Variants in WNT2B observed in about 807,000 individuals in gnomAD.
The protein encoded by WNT2B is Wnt family member 2B.
WNT2B carries 19 observed loss-of-function variants against 40.5 expected under a neutral mutation model. The observed-to-expected ratio is 0.47, with a 90% confidence interval of 0.33 to 0.69. The LOEUF is 0.69. Ranked by LOEUF, WNT2B falls within the 30% of genes least tolerant of loss-of-function variation. The pLI is 0.02. For synonymous variants in WNT2B, 220 were observed against 211.9 expected (o/e 1.04, Z -0.33); for missense variants, 467 against 556.4 (o/e 0.84, Z 1.62).
At chr1:112,518,530 T>C (rs1652690363) in intron 4 of WNT2B, 1 of 152,186 alleles carries the variant, frequency 6.6e-6, no homozygotes, top group Non-Finnish European at 1.5e-5. Context: ...AGAAAAAAAC[T>C]TGGAGCCCTT....
intron 1 of WNT2B, among the ~76,000 whole-genome samples, chr1:112,498,997 A>G (rs1368328175): frequency 6.6e-6 from 1 of 152,038 alleles, no homozygotes; most frequent in Non-Finnish European, 1.5e-5. Context: ...CACGAGGTGA[A>G]GAGTTTGAGA....
chr1:112,515,010 T>G lies in WNT2B; in HGVS notation c.319T>G (p.Cys107Gly). 1 of 1,613,830 alleles carries G rather than the reference T, an allele frequency of 6.2e-7. No homozygotes were observed. ...GGGTGCCCGAGAATGGATCCGAGAG[T>G]GTCAGCACCAATTCCGCCACCACCG... ...GEGAREWIRE[C>G]QHQFRHHRWN... Residue 107 changes from cysteine (C) to glycine (G), a missense_variant, in exon 2 of 5, where the codon TGT (cysteine) becomes GGT (glycine). Coordinates refer to ENST00000369684, the MANE Select transcript of WNT2B (RefSeq NM_024494.3). The surrounding 1 kb of genome is among the most constrained non-coding windows in gnomAD (Gnocchi z 4.4).
intron 1 of WNT2B, among the ~76,000 whole-genome samples, chr1:112,511,454 C>T (rs1335986278): frequency 1.3e-5 from 2 of 152,162 alleles, no homozygotes; most frequent in East Asian, 3.8e-4. Context: ...CAGGCTAAGC[C>T]CCCAAGCCTT....
chr1:112,514,587 T>A (rs1652461627), intron 1 of WNT2B, among the ~76,000 whole-genome samples: 1 of 152,260 alleles, frequency 6.6e-6, no homozygotes, highest in Non-Finnish European at 1.5e-5. Flanking sequence ...TCTGTGTATG[T>A]GACACATGCC....
intron 1 of WNT2B, among the ~76,000 whole-genome samples, chr1:112,485,155 T>C (rs1356074298): frequency 6.6e-6 from 1 of 152,226 alleles, no homozygotes; most frequent in Non-Finnish European, 1.5e-5. Context: ...TTCAAAGCTT[T>C]TTATAAAGTT....
intron 1 of WNT2B, among the ~76,000 whole-genome samples, chr1:112,468,984 T>C (rs1650790100): frequency 6.6e-6 from 1 of 152,228 alleles, no homozygotes; most frequent in Non-Finnish European, 1.5e-5. Flanking sequence ...CTTCTGTATA[T>C]AGTGAAAGAT....
intron 1 of WNT2B, among the ~76,000 whole-genome samples, chr1:112,488,339 C>A (rs935032490): frequency 7.2e-5 from 11 of 152,124 alleles, no homozygotes; most frequent in Admixed American, 5.2e-4. Flanking sequence ...CACACACACA[C>A]ACAAACTCTA....
intron 1 of WNT2B, among the ~76,000 whole-genome samples, chr1:112,479,381 C>A (rs766901743): frequency 3.4e-4 from 52 of 151,830 alleles, no homozygotes; most frequent in Non-Finnish European, 4.1e-4. Flanking sequence ...TGAGACCAGC[C>A]TGGCCAACAT....
chr1:112,484,586 T>G (rs1651356216), intron 1 of WNT2B, among the ~76,000 whole-genome samples: 1 of 151,614 alleles, frequency 6.6e-6, no homozygotes, highest in Admixed American at 6.6e-5. Context: ...CCCCAAAATT[T>G]TTTAAATTTA....
chr1:112,475,534 G>A (rs1276979810), intron 1 of WNT2B, among the ~76,000 whole-genome samples: 1 of 152,094 alleles, frequency 6.6e-6, no homozygotes, highest in Non-Finnish European at 1.5e-5. Flanking sequence ...GAAATAAAAT[G>A]TATGACAATG....
rs773132356 is a variant in WNT2B at position 112,514,928 on chromosome 1, G to A, written c.237G>A (p.Val79=). 2.5e-6 allele frequency: 4 copies of A among 1,614,220 alleles called. No homozygotes were observed. The Admixed American group carries it at 6.7e-5, about 27-fold the overall frequency. The part of the protein sequence containing the change: ...RVICDNIPGL[V]SRQRQLCQRY... ...TCTGTGACAATATCCCTGGTTTGGT[G>A]AGCCGGCAGCGGCAGCTGTGCCAGC... Residue 79 remains valine (V), a synonymous_variant, in exon 2 of 5, where the codon GTG becomes GTA. Transcript: ENST00000369684.
intron 1 of WNT2B, among the ~76,000 whole-genome samples, chr1:112,514,411 C>T (rs541788049): frequency 1.3e-5 from 2 of 152,312 alleles, no homozygotes; most frequent in South Asian, 2.1e-4. Flanking sequence ...TCACCACCCC[C>T]CTGCTGTCAA....
intron 1 of WNT2B, among the ~76,000 whole-genome samples, chr1:112,501,496 C>T (rs1011887214): frequency 6.6e-6 from 1 of 152,154 alleles, no homozygotes; most frequent in African/African-American, 2.4e-5. Flanking sequence ...TGTCTCTTCT[C>T]CTCCATTTAT....
At chr1:112,492,577 G>A (rs1557912824) in intron 1 of WNT2B, among the ~76,000 whole-genome samples, 1 of 152,204 alleles carries the variant, frequency 6.6e-6, no homozygotes, top group African/African-American at 2.4e-5. Flanking sequence ...CTGGCTGGGG[G>A]AAGGAAAAGT....
At chr1:112,501,520 C>T (rs1037071611) in intron 1 of WNT2B, among the ~76,000 whole-genome samples, 1 of 152,176 alleles carries the variant, frequency 6.6e-6, no homozygotes, top group African/African-American at 2.4e-5. Context: ...TTCATTCAAT[C>T]ATTTATTTGT....
intron 1 of WNT2B, among the ~76,000 whole-genome samples, chr1:112,472,209 G>C (rs1650901879): frequency 6.6e-6 from 1 of 152,216 alleles, no homozygotes; most frequent in African/African-American, 2.4e-5. Context: ...CTTAAGTTCA[G>C]GAGGTAAAGC....
chr1:112,484,922 G>A (rs1325445266), intron 1 of WNT2B, among the ~76,000 whole-genome samples: 1 of 152,088 alleles, frequency 6.6e-6, no homozygotes, highest in Non-Finnish European at 1.5e-5. Flanking sequence ...AATAAATGGA[G>A]AGATATACTG....
At chr1:112,480,606 GAA>G (rs551619160) in intron 1 of WNT2B, among the ~76,000 whole-genome samples, 245 of 152,020 alleles carry the variant, frequency 1.6e-3, no homozygotes, top group Non-Finnish European at 2.0e-3. Context: ...TCCCAAAAAA[GAA>G]AGCCCAGAAC....
intron 1 of WNT2B, among the ~76,000 whole-genome samples, chr1:112,483,986 T>C (rs948065956): frequency 2.0e-5 from 3 of 150,088 alleles, no homozygotes; most frequent in Non-Finnish European, 4.4e-5. Context: ...AAAAGCCAGG[T>C]ATGGTGGCTT....
Sources: gnomAD v4.1 joint callset for allele counts (sites outside exome capture counted in the v4.1 genomes callset) on GRCh38, gnomAD v4.1.1 for gene constraint, Gnocchi (gnomAD v3.1) non-coding constraint, MANE v1.5 for transcripts, NCBI Gene and HGNC (gene_info 2026-07-23, HGNC 2026-07-21) for gene names.